The following B3GALT1 variants were observed in gnomAD, a reference collection of about 807,000 sequenced individuals.
B3GALT1 encodes the protein beta-1,3-galactosyltransferase 1, also known as UDP-Gal:betaGlcNAc beta 1,3-galactosyltransferase, polypeptide 1.
B3GALT1 carries 10 observed loss-of-function variants against 23.2 expected under a neutral mutation model. The observed-to-expected ratio is 0.43, with a 90% CI of 0.27 to 0.73. The LOEUF (loss-of-function observed/expected upper bound fraction) is 0.73. Ranked by LOEUF, B3GALT1 falls within the 30% of genes least tolerant of loss-of-function variation. The pLI is 0.21. For missense variants in B3GALT1, 299 were observed against 405.4 expected, an observed-to-expected ratio of 0.74 and a Z score of 2.25; for synonymous variants, 156 against 141.5, an observed-to-expected ratio of 1.10 and a Z score of -0.73.
At chr2:167,804,465 T>A (rs1688707573) in intron 3 of B3GALT1, among the ~76,000 whole-genome samples, 1 of 152,140 alleles carries the variant, frequency 6.6e-6, no homozygotes, top group Non-Finnish European at 1.5e-5. Flanking sequence ...CTCCTAATGC[T>A]ATCCCTCCCC....
At chr2:167,521,460 T>C (rs1316006795) in intron 2 of B3GALT1, among the ~76,000 whole-genome samples, 1 of 152,174 alleles carries the variant, frequency 6.6e-6, no homozygotes, top group South Asian at 2.1e-4. Context: ...ACTCTAGGTA[T>C]GTACTTACTT....
chr2:167,738,182 G>T (rs1687522229), intron 3 of B3GALT1, among the ~76,000 whole-genome samples: 1 of 152,146 alleles, frequency 6.6e-6, no homozygotes, highest in African/African-American at 2.4e-5. Flanking sequence ...ATCCATGCAA[G>T]AACTGATGAG....
At chr2:167,783,373 A>G (rs1456550937) in intron 3 of B3GALT1, among the ~76,000 whole-genome samples, 3 of 152,114 alleles carry the variant, frequency 2.0e-5, no homozygotes, top group Non-Finnish European at 2.9e-5. Flanking sequence ...CTGAGAGTCC[A>G]TGCAATTATT....
At chr2:167,368,400 A>C (rs1413703274) in intron 1 of B3GALT1, among the ~76,000 whole-genome samples, 1 of 152,184 alleles carries the variant, frequency 6.6e-6, no homozygotes, top group Admixed American at 6.5e-5. Context: ...GAGGGTTTAA[A>C]TTTTGGAAGC....
chr2:167,685,559 T>C (rs1014277979), intron 3 of B3GALT1, among the ~76,000 whole-genome samples: 1 of 152,136 alleles, frequency 6.6e-6, no homozygotes, highest in African/African-American at 2.4e-5. Context: ...CCCAAGCAGA[T>C]GCAGAGGCCC....
chr2:167,836,338 T>G (rs1689470476), intron 4 of B3GALT1, among the ~76,000 whole-genome samples: 1 of 152,032 alleles, frequency 6.6e-6, no homozygotes, highest in Admixed American at 6.5e-5. Context: ...TTAAAGGAGC[T>G]GATGGAGCTG....
intron 3 of B3GALT1, among the ~76,000 whole-genome samples, chr2:167,774,509 T>G (rs1399511655): frequency 3.7e-5 from 5 of 135,882 alleles, no homozygotes; most frequent in Non-Finnish European, 7.8e-5. Flanking sequence ...TTTTTTTTTT[T>G]TTTTTGGAGA....
At chr2:167,507,854 T>A (rs1699944896) in intron 2 of B3GALT1, among the ~76,000 whole-genome samples, 1 of 152,238 alleles carries the variant, frequency 6.6e-6, no homozygotes, top group Non-Finnish European at 1.5e-5. Flanking sequence ...ACTTAGTGAA[T>A]GTCTTAGTTC....
At chr2:167,299,658 A>C (rs1262808857) in intron 1 of B3GALT1, among the ~76,000 whole-genome samples, 2 of 152,102 alleles carry the variant, frequency 1.3e-5, no homozygotes, top group Non-Finnish European at 2.9e-5. Flanking sequence ...TATTTTAGTT[A>C]TTATTTTGGC....
At chr2:167,687,112 T>C (rs1686629311) in intron 3 of B3GALT1, among the ~76,000 whole-genome samples, 1 of 152,196 alleles carries the variant, frequency 6.6e-6, no homozygotes, top group Non-Finnish European at 1.5e-5. Flanking sequence ...TAAATTGTGC[T>C]CTGACCCTGA....
At chr2:167,666,081 G>A (rs973129188) in intron 3 of B3GALT1, among the ~76,000 whole-genome samples, 1 of 151,836 alleles carries the variant, frequency 6.6e-6, no homozygotes, top group Non-Finnish European at 1.5e-5. Context: ...TCTCTTGTGG[G>A]CATTTAGTGC....
At position 167,832,914 on chromosome 2, in the gene B3GALT1, G is replaced by A. The variant is rs1361439998; in HGVS notation, c.-230+14121G>A. Among the ~76,000 whole-genome samples the A allele has an allele frequency of 2.6e-5, 4 of 152,324 alleles. No individual in the cohort carries two copies. In the Middle Eastern group the frequency reaches 0.014, roughly 518 times the overall value. ...TCCTTCCTTTGGGGGAGGAGCGGCT[G>A]CACATGGCACCATTAGAGGTGACAG... On this transcript the variant is annotated intron_variant, in intron 4 of 4. Transcript: ENST00000392690.
intron 3 of B3GALT1, among the ~76,000 whole-genome samples, chr2:167,695,155 C>T (rs775830277): frequency 7.6e-4 from 115 of 152,120 alleles, no homozygotes; most frequent in Admixed American, 4.2e-3. Context: ...GTAAGTTTTA[C>T]TCTATGGACT....
chr2:167,558,657 C>T (rs956800737), intron 2 of B3GALT1, among the ~76,000 whole-genome samples: 20 of 152,212 alleles, frequency 1.3e-4, no homozygotes, highest in African/African-American at 3.9e-4. Flanking sequence ...GAGATTATAT[C>T]CTGCACCTGG....
chr2:167,609,001 C>T (rs1405311586), intron 2 of B3GALT1, among the ~76,000 whole-genome samples: 1 of 151,924 alleles, frequency 6.6e-6, no homozygotes, highest in African/African-American at 2.4e-5. Flanking sequence ...AATATTTTAT[C>T]ATTAGAGAAA....
intron 3 of B3GALT1, among the ~76,000 whole-genome samples, chr2:167,792,141 T>C (rs1333849071): frequency 1.3e-5 from 2 of 152,056 alleles, no homozygotes; most frequent in Admixed American, 6.6e-5. Context: ...TACCTGATCA[T>C]GATACAGGTA....
chr2:167,414,420 T>C (rs1698437156), intron 1 of B3GALT1, among the ~76,000 whole-genome samples: 2 of 152,196 alleles, frequency 1.3e-5, no homozygotes, highest in African/African-American at 4.8e-5. Context: ...CCAATTAGGT[T>C]ATAATGTTCA....
chr2:167,550,377 AAG>A (rs1683724490), intron 2 of B3GALT1, among the ~76,000 whole-genome samples: 1 of 152,226 alleles, frequency 6.6e-6, no homozygotes, highest in Admixed American at 6.5e-5. Context: ...CTTTTACTTT[AAG>A]AACCTGTGGC....
intron 3 of B3GALT1, among the ~76,000 whole-genome samples, chr2:167,700,712 G>T (rs938861060): frequency 2.0e-5 from 3 of 152,158 alleles, no homozygotes; most frequent in Admixed American, 6.5e-5. Flanking sequence ...AAATAATGGT[G>T]CAGTGCGGGT....
Sources: gnomAD v4.1 joint callset for allele counts (sites outside exome capture counted in the v4.1 genomes callset) on GRCh38, gnomAD v4.1.1 for gene constraint, MANE v1.5 for transcripts, NCBI Gene and HGNC (gene_info 2026-07-23, HGNC 2026-07-21) for gene names.